Variants in PDGFC observed in about 807,000 individuals in gnomAD.
PDGFC encodes the protein platelet derived growth factor C, also known as platelet-derived growth factor C.
A neutral mutation model predicts 35.5 loss-of-function variants in PDGFC; 12 were observed. The observed-to-expected ratio is 0.34, with a 90% CI of 0.22 to 0.55. The LOEUF is 0.55. Ranked by LOEUF, PDGFC falls within the 20% of genes least tolerant of loss-of-function variation. PDGFC has a pLI of 0.91. For synonymous variants in PDGFC, 159 were observed against 148.8 expected, an observed-to-expected ratio of 1.07 and a Z score of -0.50; for missense variants, 322 against 412.4, an observed-to-expected ratio of 0.78 and a Z score of 1.90.
intron 2 of PDGFC, among the ~76,000 whole-genome samples, chr4:156,830,621 T>C (rs553310432): frequency 5.9e-5 from 9 of 152,278 alleles, no homozygotes; most frequent in African/African-American, 1.9e-4. Flanking sequence ...AATAGTCCTG[T>C]CATAGGTCAA....
intron 1 of PDGFC, among the ~76,000 whole-genome samples, chr4:156,855,631 A>G (rs1729556633): frequency 6.6e-6 from 1 of 152,180 alleles, no homozygotes; most frequent in African/African-American, 2.4e-5. Flanking sequence ...AGATGCATGT[A>G]TTCCCCATTC....
chr4:156,959,488 C>G (rs1732288372), intron 1 of PDGFC, among the ~76,000 whole-genome samples: 1 of 151,924 alleles, frequency 6.6e-6, no homozygotes, highest in Admixed American at 6.6e-5. Context: ...GAATGAGCCC[C>G]AGAACCACAG....
intron 2 of PDGFC, among the ~76,000 whole-genome samples, chr4:156,832,951 A>G (rs2111028544): frequency 6.6e-6 from 1 of 152,272 alleles, no homozygotes; most frequent in Middle Eastern, 3.4e-3. Context: ...ACGGGTTGGT[A>G]TTTTGAGAGT....
intron 2 of PDGFC, among the ~76,000 whole-genome samples, chr4:156,845,325 A>T (rs1018241798): frequency 6.6e-6 from 1 of 151,840 alleles, no homozygotes; most frequent in Non-Finnish European, 1.5e-5. Context: ...AGAAGTTAGA[A>T]AGTACTTCAT....
chr4:156,805,151 A>T (rs533780037), intron 3 of PDGFC, among the ~76,000 whole-genome samples: 2 of 152,116 alleles, frequency 1.3e-5, no homozygotes, highest in African/African-American at 2.4e-5. Flanking sequence ...ATATTAAGCA[A>T]TTCTTAGCCA....
chr4:156,846,010 A>G (rs1311116319), intron 2 of PDGFC, among the ~76,000 whole-genome samples: 2 of 151,838 alleles, frequency 1.3e-5, no homozygotes, highest in African/African-American at 4.8e-5. Context: ...AAGATGCAGC[A>G]GAAATTAAAA....
Position 156,767,878 on chromosome 4 carries a change from T to C in PDGFC, c.816A>G (p.Pro272=). Reference sequence around the variant, plus strand: ...CACAGCGTTTAACCAGGAGACAACCTGGCCAGAAAATGGTATCGGTTCTCT... The same window carrying C: ...CACAGCGTTTAACCAGGAGACAACCCGGCCAGAAAATGGTATCGGTTCTCT... The part of the protein sequence containing the change: ...ELKRTDTIFW[P]GCLLVKRCGG... The change falls in exon 5 of 6, where the codon CCA becomes CCG. Residue 272 remains proline, a synonymous_variant. Transcript: ENST00000502773. The C allele has an allele frequency of 6.2e-7, 1 of 1,613,226 alleles. No individual in the cohort carries two copies. Among genetic ancestry groups the C allele is most frequent in the South Asian group, 1.1e-5 (1 of 91,064 alleles).
chr4:156,942,697 T>C (rs1046125515), intron 1 of PDGFC, among the ~76,000 whole-genome samples: 2 of 147,522 alleles, frequency 1.4e-5, no homozygotes, highest in African/African-American at 5.0e-5. Context: ...ATGTATATTA[T>C]ATAATTATAA....
intron 5 of PDGFC, 34 bp downstream of exon 5, chr4:156,767,739 C>T: frequency 7.4e-7 from 1 of 1,360,382 alleles, no homozygotes; most frequent in African/African-American, 1.4e-5. Flanking sequence ...CATAAAATAC[C>T]CGAAGGAAAC....
chr4:156,950,787 T>C (rs1301209733), intron 1 of PDGFC, among the ~76,000 whole-genome samples: 1 of 151,818 alleles, frequency 6.6e-6, no homozygotes, highest in Non-Finnish European at 1.5e-5. Flanking sequence ...GTTGAATTGC[T>C]AAATGACTAC....
intron 2 of PDGFC, among the ~76,000 whole-genome samples, chr4:156,833,435 A>T (rs1728991829): frequency 6.6e-6 from 1 of 152,218 alleles, no homozygotes; most frequent in African/African-American, 2.4e-5. Context: ...CCAATCTTAA[A>T]ATATTTGAGG....
chr4:156,898,866 A>C (rs958923486), intron 1 of PDGFC, among the ~76,000 whole-genome samples: 1 of 152,176 alleles, frequency 6.6e-6, no homozygotes, highest in African/African-American at 2.4e-5. Flanking sequence ...CATGTTTTCT[A>C]GGCTGGTCTT....
intron 1 of PDGFC, among the ~76,000 whole-genome samples, chr4:156,893,642 C>T (rs751249810): frequency 1.5e-4 from 22 of 150,324 alleles, no homozygotes; most frequent in Non-Finnish European, 3.0e-4. Flanking sequence ...CCAGCCTAAA[C>T]GTATTTTTGA....
chr4:156,920,423 T>C (rs1194369739), intron 1 of PDGFC, among the ~76,000 whole-genome samples: 2 of 152,160 alleles, frequency 1.3e-5, no homozygotes, highest in African/African-American at 4.8e-5. Context: ...GACCAAATAC[T>C]ATAAATGGTA....
intron 2 of PDGFC, among the ~76,000 whole-genome samples, chr4:156,825,593 TAAGAAGAAGAAGAAG>T (rs60033232): frequency 0.01 from 637 of 62,168 alleles, 10 homozygotes; most frequent in African/African-American, 0.025. Flanking sequence ...ATAATAATAA[TAAGAAGAAGAAGAAG>T]AAGAAGAAGA....
intron 1 of PDGFC, 107 bp downstream of exon 1, chr4:156,970,679 A>T: frequency 1.4e-6 from 1 of 734,282 alleles, no homozygotes; most frequent in East Asian, 2.5e-5. Context: ...GTAATGAGAG[A>T]CCAAAGATAC....
intron 1 of PDGFC, among the ~76,000 whole-genome samples, chr4:156,891,743 T>A (rs1730516229): frequency 6.6e-6 from 1 of 152,036 alleles, no homozygotes; most frequent in African/African-American, 2.4e-5. Context: ...ACCTTTCTCC[T>A]CGCTTTAATA....
intron 3 of PDGFC, among the ~76,000 whole-genome samples, chr4:156,794,596 A>C (rs546858600): frequency 3.0e-4 from 46 of 152,030 alleles, no homozygotes; most frequent in Non-Finnish European, 6.3e-4. Flanking sequence ...AATATTTTTT[A>C]CAAGACCTTT....
chr4:156,902,747 C>T (rs963595886), intron 1 of PDGFC, among the ~76,000 whole-genome samples: 1 of 152,100 alleles, frequency 6.6e-6, no homozygotes, highest in African/African-American at 2.4e-5. Context: ...CCAAACCAAC[C>T]ACATGTGGAA....
Sources: allele counts gnomAD v4.1 joint callset (sites outside exome capture counted in the v4.1 genomes callset), GRCh38; gene constraint gnomAD v4.1.1; transcripts MANE v1.5; gene names NCBI Gene and HGNC (gene_info 2026-07-23, HGNC 2026-07-21).